Variants in STK4 observed in about 807,000 individuals in gnomAD.
The protein encoded by STK4 is serine/threonine-protein kinase 4.
STK4 carries 30 observed loss-of-function variants against 64.9 expected under a neutral mutation model. That is an observed-to-expected ratio of 0.46 (90% CI 0.35 to 0.63). The LOEUF (loss-of-function observed/expected upper bound fraction) is 0.63. Among genes scored for constraint, STK4 ranks in the 20% least tolerant of loss-of-function variants. STK4 has a pLI of 0.01. For synonymous variants in STK4, 177 were observed against 199.0 expected (o/e 0.89, Z 0.93); for missense variants, 466 against 598.5 (o/e 0.78, Z 2.31).
At chr20:45,034,045 T>C (rs1236523850) in intron 10 of STK4, among the ~76,000 whole-genome samples, 1 of 152,028 alleles carries the variant, frequency 6.6e-6, no homozygotes, top group Non-Finnish European at 1.5e-5. Context: ...ATATAAATTA[T>C]AAACAATTTA....
chr20:44,985,429 C>T (rs899846512), intron 4 of STK4, among the ~76,000 whole-genome samples: 5 of 152,048 alleles, frequency 3.3e-5, no homozygotes, highest in African/African-American at 4.8e-5. Flanking sequence ...CTGCAATCTC[C>T]GCCTCCCGGG....
intron 10 of STK4, among the ~76,000 whole-genome samples, chr20:45,051,380 T>C (rs16989639): frequency 0.028 from 4,277 of 152,298 alleles, 183 homozygotes; most frequent in African/African-American, 0.092. Flanking sequence ...TCTCTAGCCT[T>C]TGATGGTCCA....
chr20:44,988,677 A>C (rs2067581331), intron 5 of STK4, among the ~76,000 whole-genome samples: 1 of 150,958 alleles, frequency 6.6e-6, no homozygotes, highest in South Asian at 2.1e-4. Context: ...TCCCCTTTTA[A>C]TATGTACAAT....
intron 9 of STK4, among the ~76,000 whole-genome samples, chr20:45,005,322 T>C (rs1156729089): frequency 1.3e-5 from 2 of 152,182 alleles, no homozygotes; most frequent in Non-Finnish European, 2.9e-5. Flanking sequence ...TTGTTATTGT[T>C]GTCTATTGCT....
intron 7 of STK4, among the ~76,000 whole-genome samples, chr20:44,999,733 G>T (rs1003505330): frequency 4.6e-5 from 7 of 152,126 alleles, no homozygotes; most frequent in Non-Finnish European, 4.4e-5. Context: ...GTTTTAGTAT[G>T]TCTGCAGCAA....
intron 10 of STK4, among the ~76,000 whole-genome samples, chr20:45,046,882 A>G (rs1171872298): frequency 1.3e-5 from 2 of 151,964 alleles, no homozygotes; most frequent in African/African-American, 2.4e-5. Flanking sequence ...GGGTTTCACC[A>G]TGTTGGCCAG....
intron 9 of STK4, among the ~76,000 whole-genome samples, chr20:45,003,542 G>A (rs993474915): frequency 6.6e-6 from 1 of 151,936 alleles, no homozygotes; most frequent in African/African-American, 2.4e-5. Flanking sequence ...TTGTGAAAAT[G>A]GATAGACTTT....
chr20:45,066,181 T>TACACACACACAC (rs11472596), intron 10 of STK4, among the ~76,000 whole-genome samples: 114 of 147,622 alleles, frequency 7.7e-4, no homozygotes, highest in African/African-American at 1.7e-3. Flanking sequence ...ATTATATATC[T>TACACACACACAC]ACACACACAC....
At chr20:45,037,974 T>G (rs1358102722) in intron 10 of STK4, among the ~76,000 whole-genome samples, 1 of 152,190 alleles carries the variant, frequency 6.6e-6, no homozygotes, top group Admixed American at 6.6e-5. Flanking sequence ...AGAATGCATC[T>G]TGATGTTTCC....
At chr20:45,062,980 G>A (rs894863185) in intron 10 of STK4, among the ~76,000 whole-genome samples, 5 of 78,588 alleles carry the variant, frequency 6.4e-5, no homozygotes, top group South Asian at 8.7e-4. Flanking sequence ...GTGAGCCACC[G>A]CACCCGGCCT....
At chr20:45,029,033 AG>A (rs1478093082) in intron 10 of STK4, among the ~76,000 whole-genome samples, 2 of 152,218 alleles carry the variant, frequency 1.3e-5, no homozygotes, top group African/African-American at 4.8e-5. Flanking sequence ...GGCAGCAACC[AG>A]CTCACAGACC....
At chr20:45,074,267 T>C (rs1365293361) in intron 10 of STK4, among the ~76,000 whole-genome samples, 1 of 152,194 alleles carries the variant, frequency 6.6e-6, no homozygotes, top group Non-Finnish European at 1.5e-5. Context: ...TGTAAAGCAC[T>C]CAGTGTCTGG....
chr20:44,977,944 G>A (rs1479161508), intron 2 of STK4, among the ~76,000 whole-genome samples: 1 of 152,202 alleles, frequency 6.6e-6, no homozygotes, highest in Non-Finnish European at 1.5e-5. Context: ...TTGTACCCCA[G>A]TATAGATGGG....
intron 9 of STK4, among the ~76,000 whole-genome samples, chr20:45,002,852 A>G (rs970186575): frequency 2.6e-5 from 4 of 152,136 alleles, no homozygotes; most frequent in Non-Finnish European, 5.9e-5. Context: ...GCAGGCTTCA[A>G]AGTCCTGATT....
intron 10 of STK4, 119 bp from the exon 11 acceptor site, chr20:45,074,899 G>A: frequency 8.1e-7 from 1 of 1,230,778 alleles, no homozygotes. Flanking sequence ...CCTGTGATCT[G>A]ACCACAGTGT....
chr20:44,972,223 A>T (rs1163535160), intron 2 of STK4, 65 bp downstream of exon 2: 2 of 1,415,932 alleles, frequency 1.4e-6, no homozygotes, highest in South Asian at 2.4e-5. Flanking sequence ...CAGAAGAAGC[A>T]GAAGGATATG....
At chr20:45,019,500 A>G (rs541433938) in intron 9 of STK4, among the ~76,000 whole-genome samples, 26 of 152,340 alleles carry the variant, frequency 1.7e-4, no homozygotes, top group African/African-American at 6.0e-4. Context: ...TTTCAAAGAA[A>G]AATAAATGGA....
At chr20:45,062,989 C>CTTTTTTTTTTT (rs71197599) in intron 10 of STK4, among the ~76,000 whole-genome samples, 801 of 31,526 alleles carry the variant, frequency 0.025, 219 homozygotes, top group Middle Eastern at 0.062. Context: ...CGCACCCGGC[C>CTTTTTTTTTTT]TTTTTTTTTT....
At chr20:45,074,714 A>G (rs1980373170) in intron 10 of STK4, among the ~76,000 whole-genome samples, 1 of 152,214 alleles carries the variant, frequency 6.6e-6, no homozygotes, top group South Asian at 2.1e-4. Flanking sequence ...ATCTATATTT[A>G]ATTAACTTAA....
Sources: gnomAD v4.1 joint callset for allele counts (sites outside exome capture counted in the v4.1 genomes callset) on GRCh38, gnomAD v4.1.1 for gene constraint, MANE v1.5 for transcripts, NCBI Gene and HGNC (gene_info 2026-07-23, HGNC 2026-07-21) for gene names.